The following PDIA4 variants were observed in gnomAD, a reference collection of about 807,000 sequenced individuals.
PDIA4 encodes the protein protein disulfide-isomerase A4.
A neutral mutation model predicts 62.1 loss-of-function variants in PDIA4; 33 were observed. The observed-to-expected ratio is 0.53, with a 90% CI of 0.40 to 0.71. The LOEUF (loss-of-function observed/expected upper bound fraction) is 0.71, where lower values mean the gene tolerates loss of function less well. Among genes scored for constraint, PDIA4 ranks in the 30% least tolerant of loss-of-function variants. The pLI is 0.00. For missense variants in PDIA4, 804 were observed against 813.6 expected, an observed-to-expected ratio of 0.99 and a Z score of 0.14; for synonymous variants, 341 against 324.1, an observed-to-expected ratio of 1.05 and a Z score of -0.56.
chr7:149,003,693 A>G lies in PDIA4; in HGVS notation c.*101T>C, dbSNP rs1585408676. On this transcript the variant is annotated 3_prime_UTR_variant, in exon 10 of 10. Coordinates refer to ENST00000652332, the MANE Select transcript of PDIA4 (RefSeq NM_004911.5). ...AAAAATTAAAAAAAAAAAAAAAGGA[A>G]TCCGAGATACTGTCGTTTGTTGCCG... 3.8e-6 allele frequency: 3 copies of G among 785,898 alleles called. No homozygotes were observed. The allele number at this position is 785,898 out of a possible 1,614,324, so 48.7% of individuals were successfully genotyped here. A position where few individuals can be genotyped will look rare whatever the true frequency, so the allele number is the denominator to read the frequency against.
intron 1 of PDIA4, chr7:149,027,965 C>T (rs1183134719): frequency 1.9e-6 from 1 of 513,648 alleles, no homozygotes. Context: ...GCGCGTTCGC[C>T]TGGAGTTAGC....
chr7:149,022,330 G>A (rs1824381173), intron 1 of PDIA4, among the ~76,000 whole-genome samples: 1 of 152,002 alleles, frequency 6.6e-6, no homozygotes, highest in African/African-American at 2.4e-5. Context: ...ACCTTTGCTT[G>A]GAAGCTAAGT....
Position 149,003,597 on chromosome 7 carries a change from A to C in PDIA4, c.*197T>G. 2.4e-6 allele frequency: 1 copy of C among 413,732 alleles called. No homozygotes were observed. Among genetic ancestry groups the C allele is most frequent in the Non-Finnish European group, 4.2e-6 (1 of 239,418 alleles). The allele number at this position is 413,732 out of a possible 1,614,324, so 25.6% of individuals were successfully genotyped here. On this transcript the variant is annotated 3_prime_UTR_variant, in exon 10 of 10. Transcript: ENST00000652332. ...AAAAATAGATGTATCCTCTGTAAAA[A>C]TCTGGACTAAACTATTCAGTCATTC...
chr7:149,020,504 C>CT (rs1307244407), intron 2 of PDIA4, among the ~76,000 whole-genome samples: 1 of 152,150 alleles, frequency 6.6e-6, no homozygotes, highest in African/African-American at 2.4e-5. Flanking sequence ...CTGGTCCCCC[C>CT]GCAGGGCCTA....
Position 149,005,358 on chromosome 7 carries a change from C to G in PDIA4, c.1305G>C (p.Arg435=), listed in dbSNP as rs1249040463. ...CCTTGGCCACCTCTAGGACTTTGCT[C>G]CGCCAAAACTGAGTTGCTGAAAGGG... is the stretch of plus-strand genomic sequence containing the variant. ...FDYRAATQFW[R]SKVLEVAKDF... The change falls in exon 9 of 10, where the codon CGG becomes CGC. Residue 435 remains arginine, a synonymous_variant. Transcript: ENST00000652332. 6.2e-7 allele frequency: 1 copy of G among 1,613,778 alleles called. No homozygotes were observed. Among genetic ancestry groups the G allele is most frequent in the Non-Finnish European group, 8.5e-7 (1 of 1,179,778 alleles).
intron 3 of PDIA4, among the ~76,000 whole-genome samples, chr7:149,016,800 C>T (rs1190608575): frequency 1.3e-5 from 2 of 152,152 alleles, no homozygotes; most frequent in African/African-American, 2.4e-5. Context: ...CGTGAACCAC[C>T]GTGCCCAGCC....
chr7:149,007,777 C>T (rs4727005), intron 7 of PDIA4, among the ~76,000 whole-genome samples: 41,621 of 152,296 alleles, frequency 0.27, 7,098 homozygotes, highest in African/African-American at 0.48. Flanking sequence ...GCTGCCCGAA[C>T]AAACACGACT....
At position 149,026,993 on chromosome 7, in the gene PDIA4, A is replaced by C. The variant is rs115976481; in HGVS notation, c.88+1328T>G. ...AGCCACTCTCCCAGGCCTCTCAAGA[A>C]TCCCCCCAAAAACAGAATCACTGGA... is the stretch of plus-strand genomic sequence containing the variant. On this transcript the variant is annotated intron_variant, in intron 1 of 9. Coordinates refer to ENST00000652332, the MANE Select transcript of PDIA4 (RefSeq NM_004911.5). Among the ~76,000 whole-genome samples, 1,105 of 152,140 alleles carry C rather than the reference A, an allele frequency of 7.3e-3. 11 individuals are homozygous for C. Among genetic ancestry groups the C allele is most frequent in the Middle Eastern group, 0.024 (7 of 294 alleles).
At chr7:149,025,280 C>T (rs1824512954) in intron 1 of PDIA4, among the ~76,000 whole-genome samples, 1 of 152,032 alleles carries the variant, frequency 6.6e-6, no homozygotes, top group Admixed American at 6.6e-5. Context: ...TCCCACGGGG[C>T]ACACCTGATG....
chr7:149,017,146 G>A (rs1004873604), intron 3 of PDIA4, among the ~76,000 whole-genome samples: 1 of 151,808 alleles, frequency 6.6e-6, no homozygotes, highest in East Asian at 1.9e-4. Context: ...ATGAGGACCG[G>A]AAGCCTATTC....
intron 3 of PDIA4, among the ~76,000 whole-genome samples, chr7:149,015,658 A>C (rs1375338199): frequency 6.6e-6 from 1 of 152,194 alleles, no homozygotes; most frequent in Non-Finnish European, 1.5e-5. Flanking sequence ...TCGTACAAAA[A>C]ATGTGCCAAG....
chr7:149,026,366 C>A (rs1000599983), intron 1 of PDIA4, among the ~76,000 whole-genome samples: 3 of 151,996 alleles, frequency 2.0e-5, no homozygotes, highest in African/African-American at 7.2e-5. Context: ...AAAAAAATAG[C>A]CAGGCTGGGC....
chr7:149,027,468 C>G (rs1251491119), intron 1 of PDIA4, among the ~76,000 whole-genome samples: 1 of 152,180 alleles, frequency 6.6e-6, no homozygotes, highest in African/African-American at 2.4e-5. Flanking sequence ...AGAACAAACT[C>G]AGAAGGTTAA....
rs1289232292 is a variant in PDIA4 at position 149,012,341 on chromosome 7, G to A, written c.634C>T (p.Leu212Phe). The change falls in exon 5 of 10, where the codon CTT becomes TTT. Residue 212 changes from leucine (L) to phenylalanine (F), a missense_variant. Leu to Phe is a conservative substitution (Grantham distance 22). Coordinates refer to ENST00000652332, the MANE Select transcript of PDIA4 (RefSeq NM_004911.5). ...YAPWCGHCKK[L>F]APEYEKAAKE... ...GCGGCCTTCTCATACTCGGGGGCAA[G>A]TTTCTTGCAGTGTCCACACCTGCCA... 3 of 1,613,332 alleles carry A rather than the reference G, an allele frequency of 1.9e-6. No individual in the cohort carries two copies. Among genetic ancestry groups the A allele is most frequent in the Non-Finnish European group, 2.5e-6 (3 of 1,179,986 alleles).
rs1563125047 is a variant in PDIA4, at chr7:149,025,088, ATAT to A, written c.88+3230_88+3232del. ...TCCATCTCAAAAAAAAAAAAAAAATATATATATATATATATATATGTATGTCCA... is the reference window on the plus strand; with the variant it reads ...TCCATCTCAAAAAAAAAAAAAAAATAATATATATATATATATGTATGTCCA... On this transcript the variant is annotated intron_variant, in intron 1 of 9. Coordinates refer to ENST00000652332, the MANE Select transcript of PDIA4 (RefSeq NM_004911.5). 8.8e-3 allele frequency among the ~76,000 whole-genome samples: 123 copies of A among 13,944 alleles called. 2 individuals carry two copies. The highest frequency in any genetic ancestry group is 0.028 in the Admixed American group (14 of 504). The allele number at this position is 13,944 out of a possible 152,430, so 9.1% of individuals were successfully genotyped here. A position where few individuals can be genotyped will look rare whatever the true frequency, so the allele number is the denominator to read the frequency against.
intron 1 of PDIA4, among the ~76,000 whole-genome samples, chr7:149,026,274 A>G (rs951494470): frequency 6.6e-6 from 1 of 152,172 alleles, no homozygotes; most frequent in Non-Finnish European, 1.5e-5. Flanking sequence ...CAGTAATCCC[A>G]AACACTGGGA....
chr7:149,019,301 C>T, intron 2 of PDIA4, 104 bp from the exon 3 acceptor site: 1 of 809,036 alleles, frequency 1.2e-6, no homozygotes, highest in South Asian at 1.5e-5. Flanking sequence ...TTGTCCACAC[C>T]AAAATGTTGA....
At position 149,005,358 on chromosome 7, in the gene PDIA4, C is replaced by A. The variant is rs1249040463; in HGVS notation, c.1305G>T (p.Arg435=). 1.9e-6 allele frequency: 3 copies of A among 1,613,896 alleles called. No individual in the cohort carries two copies. The highest frequency in any genetic ancestry group is 1.7e-6 in the Non-Finnish European group (2 of 1,179,770). Residue 435 remains arginine, a synonymous_variant, in exon 9 of 10, where the codon CGG becomes CGT. Transcript: ENST00000652332. ...CCTTGGCCACCTCTAGGACTTTGCT[C>A]CGCCAAAACTGAGTTGCTGAAAGGG... The part of the protein sequence containing the change: ...FDYRAATQFW[R]SKVLEVAKDF...
Position 149,011,862 on chromosome 7 carries a change from C to A in PDIA4, c.963G>T (p.Gln321His). 1 of 1,575,482 alleles carries A rather than the reference C, an allele frequency of 6.3e-7. No homozygotes were observed. The highest frequency in any genetic ancestry group is 8.6e-7 in the Non-Finnish European group (1 of 1,160,316). The change falls in exon 6 of 10, where the codon CAG (glutamine) becomes CAT (histidine). Residue 321 changes from glutamine to histidine, a missense_variant. Physicochemically the swap from Gln to His is conservative, Grantham distance 24. Transcript: ENST00000652332. The part of the protein sequence containing the change: ...VFKGESDPAY[Q>H]QYQDAANNLR... ...ACAACTCACCGGCATCCTGGTATTGCTGGTAGGCTGGGTCACTCTCCCCCT... is the reference window on the plus strand; with the variant it reads ...ACAACTCACCGGCATCCTGGTATTGATGGTAGGCTGGGTCACTCTCCCCCT...
Sources: gnomAD v4.1 joint callset for allele counts (sites outside exome capture counted in the v4.1 genomes callset) on GRCh38, gnomAD v4.1.1 for gene constraint, MANE v1.5 for transcripts, NCBI Gene and HGNC (gene_info 2026-07-23, HGNC 2026-07-21) for gene names.